Variants in RBFOX1 observed in about 807,000 individuals in gnomAD.
RBFOX1 encodes RNA binding fox-1 homolog 1, also known as RNA binding protein fox-1 homolog 1.
RBFOX1 carries 8 observed loss-of-function variants against 57.7 expected under a neutral mutation model. The observed-to-expected ratio is 0.14, with a 90% CI of 0.08 to 0.25. The LOEUF (loss-of-function observed/expected upper bound fraction) is 0.25, where lower values mean the gene tolerates loss of function less well. Among genes scored for constraint, RBFOX1 ranks in the 10% least tolerant of loss-of-function variants. The pLI is 1.00. For synonymous variants in RBFOX1, 326 were observed against 222.4 expected (o/e 1.47, Z -4.15); for missense variants, 611 against 548.5 (o/e 1.11, Z -1.14).
chr16:7,241,906 A>G (rs890058460), intron 4 of RBFOX1, among the ~76,000 whole-genome samples: 2 of 152,170 alleles, frequency 1.3e-5, no homozygotes, highest in African/African-American at 4.8e-5. Context: ...TGTATACATA[A>G]TTACATGAGT....
At chr16:7,635,853 C>T (rs1414856760) in intron 11 of RBFOX1, among the ~76,000 whole-genome samples, 2 of 152,012 alleles carry the variant, frequency 1.3e-5, no homozygotes, top group Non-Finnish European at 2.9e-5. Context: ...CTCTGTCACC[C>T]AGGCTGCAGT....
intron 2 of RBFOX1, among the ~76,000 whole-genome samples, chr16:6,429,946 T>C (rs2094030675): frequency 6.6e-6 from 1 of 151,862 alleles, no homozygotes; most frequent in South Asian, 2.1e-4. Context: ...CCCTCTCTAC[T>C]AAAAATACAA....
At chr16:7,504,741 A>T (rs796214289) in intron 4 of RBFOX1, among the ~76,000 whole-genome samples, 359 of 10,132 alleles carry the variant, frequency 0.035, 12 homozygotes, top group Middle Eastern at 0.083. Context: ...ATATATATAT[A>T]TATATATATA....
At chr16:5,446,918 G>T (rs1234696172) in intron 1 of RBFOX1, among the ~76,000 whole-genome samples, 1 of 152,042 alleles carries the variant, frequency 6.6e-6, no homozygotes, top group Non-Finnish European at 1.5e-5. Flanking sequence ...CTGAGGCTCC[G>T]TTTCCTCATC....
intron 2 of RBFOX1, among the ~76,000 whole-genome samples, chr16:6,559,075 A>T (rs1413110933): frequency 2.0e-5 from 3 of 152,004 alleles, no homozygotes; most frequent in African/African-American, 4.8e-5. Context: ...TTGGTCTCAT[A>T]GTTCCTTGTA....
At chr16:5,349,134 T>C (rs1044028449) in intron 1 of RBFOX1, among the ~76,000 whole-genome samples, 6 of 152,108 alleles carry the variant, frequency 3.9e-5, no homozygotes, top group Non-Finnish European at 7.3e-5. Context: ...TCCCGACATA[T>C]GCAACAACAT....
intron 3 of RBFOX1, among the ~76,000 whole-genome samples, chr16:5,776,780 T>A (rs926751170): frequency 6.6e-6 from 1 of 152,084 alleles, no homozygotes; most frequent in Admixed American, 6.6e-5. Flanking sequence ...TATCTACAGG[T>A]ATGAAGATGT....
At chr16:7,177,527 T>G in intron 4 of RBFOX1, among the ~76,000 whole-genome samples, 1 of 151,664 alleles carries the variant, frequency 6.6e-6, no homozygotes, top group Admixed American at 6.6e-5. Flanking sequence ...AGATCAGGGA[T>G]GCTTTATATG....
chr16:7,404,717 C>CA (rs1342375411), intron 4 of RBFOX1, among the ~76,000 whole-genome samples: 5 of 152,034 alleles, frequency 3.3e-5, no homozygotes, highest in African/African-American at 1.2e-4. Context: ...AACAAACAAA[C>CA]AAACAAACAA....
intron 4 of RBFOX1, among the ~76,000 whole-genome samples, chr16:7,408,177 C>T (rs1031743999): frequency 1.3e-5 from 2 of 152,140 alleles, no homozygotes; most frequent in African/African-American, 4.8e-5. Flanking sequence ...TGACAACCTC[C>T]TATTGAACGT....
chr16:7,436,915 T>A (rs529959366), intron 4 of RBFOX1, among the ~76,000 whole-genome samples: 217 of 151,160 alleles, frequency 1.4e-3, no homozygotes, highest in African/African-American at 4.1e-3. Flanking sequence ...TACAAAAAAA[T>A]AAATAAATAA....
chr16:7,259,568 A>G (rs1043283681), intron 4 of RBFOX1, among the ~76,000 whole-genome samples: 2 of 152,140 alleles, frequency 1.3e-5, no homozygotes, highest in African/African-American at 4.8e-5. Flanking sequence ...CAATGTAAAA[A>G]AAAAAAGGAT....
chr16:7,222,462 C>A (rs1200465202), intron 4 of RBFOX1, among the ~76,000 whole-genome samples: 1 of 152,148 alleles, frequency 6.6e-6, no homozygotes, highest in East Asian at 1.9e-4. Flanking sequence ...AATGAATTGT[C>A]CCCCTTGAAA....
intron 3 of RBFOX1, among the ~76,000 whole-genome samples, chr16:6,924,618 G>A (rs7185720): frequency 0.68 from 102,771 of 151,758 alleles, 34,883 homozygotes; most frequent in Non-Finnish European, 0.71. Context: ...AAATAATGAG[G>A]TGCAAGTACC....
chr16:6,441,962 T>C (rs2094392502), intron 2 of RBFOX1, among the ~76,000 whole-genome samples: 1 of 152,174 alleles, frequency 6.6e-6, no homozygotes, highest in African/African-American at 2.4e-5. Flanking sequence ...AGCAAGATAT[T>C]ATGGAATGAC....
intron 4 of RBFOX1, among the ~76,000 whole-genome samples, chr16:7,183,612 C>T (rs1298991254): frequency 6.6e-6 from 1 of 152,144 alleles, no homozygotes; most frequent in Non-Finnish European, 1.5e-5. Flanking sequence ...CAGAAGCCTG[C>T]ATTAATAATC....
intron 4 of RBFOX1, among the ~76,000 whole-genome samples, chr16:5,959,929 G>A (rs148144627): frequency 0.021 from 3,223 of 152,284 alleles, 121 homozygotes; most frequent in African/African-American, 0.072. Context: ...GGCTGGGCGC[G>A]GTGGCTCACG....
intron 4 of RBFOX1, among the ~76,000 whole-genome samples, chr16:7,053,466 T>C (rs893227823): frequency 2.0e-5 from 3 of 152,184 alleles, no homozygotes; most frequent in Admixed American, 1.3e-4. Context: ...TCTCTTGCTG[T>C]TTGGATGGGG....
intron 3 of RBFOX1, among the ~76,000 whole-genome samples, chr16:7,030,594 C>T (rs929929168): frequency 3.3e-5 from 5 of 152,144 alleles, no homozygotes; most frequent in Admixed American, 6.5e-5. Flanking sequence ...GTGTTCTTTG[C>T]TATTTCGTAT....
Sources: gnomAD v4.1 joint callset for allele counts (sites outside exome capture counted in the v4.1 genomes callset) on GRCh38, gnomAD v4.1.1 for gene constraint, MANE v1.5 for transcripts, NCBI Gene and HGNC (gene_info 2026-07-23, HGNC 2026-07-21) for gene names.